The following NRDC variants were observed in gnomAD, a reference collection of about 807,000 sequenced individuals.
NRDC encodes the protein nardilysin convertase.
In NRDC, 54 loss-of-function variants were observed where a neutral mutation model predicts 147.1. That is an observed-to-expected ratio of 0.37 (90% CI 0.29 to 0.46). The LOEUF (loss-of-function observed/expected upper bound fraction) is 0.46. Among genes scored for constraint, NRDC ranks in the 20% least tolerant of loss-of-function variants. The pLI is 1.00. For missense variants in NRDC, 1,082 were observed against 1,370.6 expected (o/e 0.79, Z 3.33); for synonymous variants, 440 against 482.1 (o/e 0.91, Z 1.14).
intron 2 of NRDC, among the ~76,000 whole-genome samples, chr1:51,836,776 A>T (rs990900323): frequency 9.2e-5 from 14 of 152,186 alleles, no homozygotes; most frequent in Non-Finnish European, 1.6e-4. Flanking sequence ...AGCTATTAAA[A>T]AGTATAACTA....
intron 1 of NRDC, among the ~76,000 whole-genome samples, chr1:51,847,434 C>T (rs866618862): frequency 2.6e-5 from 4 of 152,332 alleles, no homozygotes; most frequent in Admixed American, 6.5e-5. Flanking sequence ...CAGGGGGCGG[C>T]GCTCGTTGGG....
In NRDC at chr1:51,872,998, T is replaced by C. The variant is rs557521152; in HGVS notation, c.341+5277A>G. ...ACATGGAAGTCATAATGATTTCTTT[T>C]GTAGCTGTGAGATTTTGTGATCATT... is the stretch of plus-strand genomic sequence containing the variant. On this transcript the variant is annotated intron_variant, in intron 1 of 30. Transcript: ENST00000352171. Among the ~76,000 whole-genome samples, 29 of 152,288 alleles carry C rather than the reference T, an allele frequency of 1.9e-4. No homozygotes were observed. In the South Asian group the frequency reaches 6.0e-3, roughly 32 times the overall value.
In NRDC at chr1:51,819,849, G is replaced by A; in HGVS notation, c.1242C>T (p.Gly414=). Residue 414 remains glycine (G), a synonymous_variant, in exon 9 of 31, where the codon GGC becomes GGT. Coordinates refer to ENST00000352171, the MANE Select transcript of NRDC (RefSeq NM_001101662.2). ...PNNGLPRPNF[G]HLTDPFDTPA... is the part of the protein sequence containing the mutation. Reference sequence around the variant, plus strand: ...GTGTGTCAAATGGATCCGTTAAATGGCCAAAGTTTGGTCTGGGTAACCCAC... The same window carrying A: ...GTGTGTCAAATGGATCCGTTAAATGACCAAAGTTTGGTCTGGGTAACCCAC... 6.2e-7 allele frequency: 1 copy of A among 1,607,694 alleles called. No homozygotes were observed.
intron 1 of NRDC, among the ~76,000 whole-genome samples, chr1:51,863,130 G>A (rs1682636684): frequency 6.7e-6 from 1 of 149,224 alleles, no homozygotes; most frequent in African/African-American, 2.5e-5. Context: ...GGCCAGGCAT[G>A]GTGGCTCACA....
intron 1 of NRDC, among the ~76,000 whole-genome samples, chr1:51,861,406 T>C (rs1682535133): frequency 1.3e-5 from 2 of 149,026 alleles, no homozygotes; most frequent in Non-Finnish European, 3.0e-5. Flanking sequence ...CTTGGCTCAC[T>C]GCAACCTCTG....
chr1:51,823,538 T>G (rs1304033738), intron 7 of NRDC, 126 bp downstream of exon 7: 1 of 630,634 alleles, frequency 1.6e-6, no homozygotes, highest in African/African-American at 2.0e-5. Context: ...AGTTCTGATT[T>G]CCTTTACTTT....
chr1:51,822,180 G>A (rs189525485), intron 7 of NRDC, among the ~76,000 whole-genome samples: 2 of 152,148 alleles, frequency 1.3e-5, no homozygotes, highest in Admixed American at 1.3e-4. Context: ...TTATCTGAGT[G>A]ACCATCATTG....
intron 21 of NRDC, among the ~76,000 whole-genome samples, chr1:51,799,584 T>G (rs1225471740): frequency 6.6e-6 from 1 of 152,110 alleles, no homozygotes; most frequent in East Asian, 1.9e-4. Flanking sequence ...GGCAAAACTG[T>G]CAAGTAGGGG....
rs1290621695 is a variant in NRDC at position 51,827,776 on chromosome 1, A to T, written c.940+20T>A. 1.2e-6 allele frequency: 2 copies of T among 1,601,074 alleles called. No individual in the cohort carries two copies. Among genetic ancestry groups the T allele is most frequent in the Non-Finnish European group, 1.7e-6 (2 of 1,168,482 alleles). On this transcript the variant is annotated intron_variant, in intron 5 of 30. Coordinates refer to ENST00000352171, the MANE Select transcript of NRDC (RefSeq NM_001101662.2). ...TCATGAAGGAAAAAACTGTAGTTAC[A>T]CATAAAGTACTCCTCTTACCACTAT...
chr1:51,834,683 TAA>T lies in NRDC; in HGVS notation c.713-515_713-514del, dbSNP rs879270120. ...TATTATGCTCATGTTACTTTTATACTAAAAAAAAAAAATTTCATCTTTAAAGA... is the reference window on the plus strand; with the variant it reads ...TATTATGCTCATGTTACTTTTATACTAAAAAAAAAATTTCATCTTTAAAGA... On this transcript the variant is annotated intron_variant, in intron 3 of 30. Transcript: ENST00000352171. Among the ~76,000 whole-genome samples, 3 of 144,868 alleles carry T rather than the reference TAA, an allele frequency of 2.1e-5. 1 individual carries two copies. The highest frequency in any genetic ancestry group is 7.6e-5 in the African/African-American group (3 of 39,598).
intron 6 of NRDC, among the ~76,000 whole-genome samples, chr1:51,823,991 C>T (rs1168747076): frequency 1.3e-5 from 2 of 151,732 alleles, no homozygotes; most frequent in East Asian, 3.9e-4. Flanking sequence ...TTTTAATATC[C>T]AAGGAATTAA....
Position 51,831,105 on chromosome 1 carries a change from T to C in NRDC, c.866+2912A>G, listed in dbSNP as rs144270174. 9.0e-3 allele frequency among the ~76,000 whole-genome samples: 1,378 copies of C among 152,324 alleles called. 36 individuals carry two copies. In the South Asian group the frequency reaches 0.097, roughly 11 times the overall value. ...GCAGTGGCTTTCTTATTGGGTGGCT[T>C]TCTTTTTAAATAAAAATAAATGTGT... On this transcript the variant is annotated intron_variant, in intron 4 of 30. Coordinates refer to ENST00000352171, the MANE Select transcript of NRDC (RefSeq NM_001101662.2).
intron 6 of NRDC, among the ~76,000 whole-genome samples, 174 bp downstream of exon 6, chr1:51,825,113 G>A (rs550965656): frequency 4.6e-5 from 7 of 152,324 alleles, no homozygotes; most frequent in African/African-American, 1.7e-4. Context: ...CACTGTTAGA[G>A]AACCAAATAG....
At chr1:51,871,937 T>C (rs1379355985) in intron 1 of NRDC, among the ~76,000 whole-genome samples, 2 of 152,134 alleles carry the variant, frequency 1.3e-5, no homozygotes, top group East Asian at 3.9e-4. Flanking sequence ...GTGGGCGCGA[T>C]CTTGACTCAC....
At chr1:51,874,954 C>T (rs1213505503) in intron 1 of NRDC, among the ~76,000 whole-genome samples, 2 of 152,194 alleles carry the variant, frequency 1.3e-5, no homozygotes, top group Non-Finnish European at 2.9e-5. Flanking sequence ...TCCTCTGGTA[C>T]TTATTCAAAA....
intron 1 of NRDC, among the ~76,000 whole-genome samples, chr1:51,875,773 C>T (rs1389557581): frequency 1.3e-5 from 2 of 152,008 alleles, no homozygotes; most frequent in Non-Finnish European, 2.9e-5. Context: ...AGGCTGGTCT[C>T]GAAATCCTGC....
At chr1:51,829,314 G>C (rs1172628349) in intron 4 of NRDC, among the ~76,000 whole-genome samples, 2 of 152,304 alleles carry the variant, frequency 1.3e-5, no homozygotes, top group East Asian at 3.9e-4. Context: ...CCAAAGTGCT[G>C]GGATTATAGG....
At position 51,840,352 on chromosome 1, in the gene NRDC, ATCG is replaced by A; in HGVS notation, c.501_503del (p.Asp168del). The A allele has an allele frequency of 4.6e-6, 7 of 1,533,842 alleles. No homozygotes were observed. The highest frequency in any genetic ancestry group is 5.4e-6 in the Non-Finnish European group (6 of 1,107,664). On this transcript the variant is annotated inframe_deletion, in exon 2 of 31. Coordinates refer to ENST00000352171, the MANE Select transcript of NRDC (RefSeq NM_001101662.2). ...CATCTTCATCATCAAAACCCTCTTC[ATCG>A]TCATCTTCTATTTCAGCTCCAGAAT...
intron 6 of NRDC, among the ~76,000 whole-genome samples, chr1:51,824,985 T>C (rs72900070): frequency 5.7e-4 from 87 of 152,322 alleles, no homozygotes; most frequent in Middle Eastern, 3.4e-3. Context: ...GAGATGATAA[T>C]GGTACCTATC....
Sources: allele counts gnomAD v4.1 joint callset (sites outside exome capture counted in the v4.1 genomes callset), GRCh38; gene constraint gnomAD v4.1.1; transcripts MANE v1.5; gene names NCBI Gene and HGNC (gene_info 2026-07-23, HGNC 2026-07-21).